FAM184A: variants seen among roughly 807,000 people sequenced by gnomAD.
FAM184A encodes family with sequence similarity 184 member A.
In FAM184A, 99 loss-of-function variants were observed where a neutral mutation model predicts 143.8. The ratio of observed to expected loss-of-function variants is 0.69; its 90% CI spans 0.58 to 0.81. The LOEUF (loss-of-function observed/expected upper bound fraction) is 0.81. Ranked by LOEUF, FAM184A falls within the 40% of genes least tolerant of loss-of-function variation. FAM184A has a pLI of 0.00. For synonymous variants in FAM184A, 427 were observed against 446.4 expected, an observed-to-expected ratio of 0.96 and a Z score of 0.55; for missense variants, 1,217 against 1,310.5, an observed-to-expected ratio of 0.93 and a Z score of 1.10.
intron 1 of FAM184A, among the ~76,000 whole-genome samples, chr6:119,122,454 T>C (rs1789242180): frequency 6.6e-6 from 1 of 152,140 alleles, no homozygotes. Flanking sequence ...GCATAGTCTG[T>C]GGCCAGAAGC....
chr6:119,089,357 C>A (rs1232627001), intron 1 of FAM184A, among the ~76,000 whole-genome samples: 1 of 152,076 alleles, frequency 6.6e-6, no homozygotes, highest in Non-Finnish European at 1.5e-5. Flanking sequence ...GCATCTGCCA[C>A]CACACCTGGC....
chr6:118,986,822 A>G (rs1298339910), intron 9 of FAM184A, among the ~76,000 whole-genome samples: 2 of 152,176 alleles, frequency 1.3e-5, no homozygotes, highest in African/African-American at 4.8e-5. Context: ...ATATGTCAAA[A>G]TGTCTATATT....
chr6:118,995,882 G>A (rs1278854264), intron 9 of FAM184A, among the ~76,000 whole-genome samples: 3 of 152,102 alleles, frequency 2.0e-5, no homozygotes, highest in African/African-American at 7.2e-5. Flanking sequence ...AGTGTGTCCT[G>A]GGCTGCAGCA....
intron 1 of FAM184A, among the ~76,000 whole-genome samples, chr6:119,041,479 CTGAG>C (rs1786329850): frequency 6.6e-6 from 1 of 152,198 alleles, no homozygotes; most frequent in Non-Finnish European, 1.5e-5. Context: ...CATCTATCGC[CTGAG>C]AGCACAGCGG....
At chr6:119,056,824 G>T (rs187879101) in intron 1 of FAM184A, among the ~76,000 whole-genome samples, 2 of 152,292 alleles carry the variant, frequency 1.3e-5, no homozygotes, top group East Asian at 3.9e-4. Flanking sequence ...AGCCTGGTCT[G>T]GTGGGCACTC....
intron 1 of FAM184A, among the ~76,000 whole-genome samples, chr6:119,146,904 A>T (rs981053228): frequency 3.1e-5 from 4 of 129,990 alleles, no homozygotes; most frequent in Non-Finnish European, 4.9e-5. Flanking sequence ...CCTCCCAGAG[A>T]TGTGCACCCC....
chr6:118,980,049 A>C, intron 10 of FAM184A, 89 bp downstream of exon 10: 1 of 1,142,976 alleles, frequency 8.7e-7, no homozygotes, highest in Non-Finnish European at 1.2e-6. Context: ...CCCTGTCTCA[A>C]AAAATAGAAA....
intron 1 of FAM184A, among the ~76,000 whole-genome samples, chr6:119,042,144 T>G (rs1786360475): frequency 6.6e-6 from 1 of 152,082 alleles, no homozygotes; most frequent in Non-Finnish European, 1.5e-5. Flanking sequence ...GGGAATATGG[T>G]AAGACTGGTT....
chr6:119,045,539 C>G (rs1038123416), intron 1 of FAM184A, among the ~76,000 whole-genome samples: 18 of 152,124 alleles, frequency 1.2e-4, no homozygotes, highest in African/African-American at 3.9e-4. Context: ...AGTGACTTAA[C>G]AGCAGATTTT....
intron 1 of FAM184A, 32 bp from the exon 2 acceptor site, chr6:119,024,845 T>C (rs1775613): frequency 0.55 from 839,445 of 1,518,974 alleles, 239,866 homozygotes; most frequent in Non-Finnish European, 0.59. Flanking sequence ...GGGAGAAGGA[T>C]TGTGAATCCA....
intron 1 of FAM184A, among the ~76,000 whole-genome samples, chr6:119,062,267 T>C (rs1403424515): frequency 6.6e-6 from 1 of 152,244 alleles, no homozygotes; most frequent in Non-Finnish European, 1.5e-5. Flanking sequence ...GTATGTATAG[T>C]GCTTAACACA....
chr6:118,966,102 C>A (rs1276886312), intron 15 of FAM184A, among the ~76,000 whole-genome samples: 1 of 152,144 alleles, frequency 6.6e-6, no homozygotes, highest in Non-Finnish European at 1.5e-5. Flanking sequence ...CAGGCTGCCT[C>A]TCCTAAATGC....
chr6:119,058,411 C>T (rs1366497234), intron 1 of FAM184A, among the ~76,000 whole-genome samples: 2 of 151,856 alleles, frequency 1.3e-5, no homozygotes, highest in Non-Finnish European at 2.9e-5. Context: ...CCATGTGGGC[C>T]AGGCTGGTCT....
intron 1 of FAM184A, among the ~76,000 whole-genome samples, chr6:119,042,276 T>C (rs1363964607): frequency 6.6e-6 from 1 of 152,208 alleles, no homozygotes; most frequent in Non-Finnish European, 1.5e-5. Context: ...TTTTCCTTTT[T>C]CTTCTCCTCT....
chr6:118,975,832 A>G (rs1395833914), intron 12 of FAM184A, 85 bp downstream of exon 12: 1 of 1,290,638 alleles, frequency 7.7e-7, no homozygotes, highest in Non-Finnish European at 1.1e-6. Context: ...AAAATAAGTT[A>G]TTACAAAATA....
chr6:118,968,369 C>T (rs1015677927), intron 14 of FAM184A, among the ~76,000 whole-genome samples: 5 of 152,200 alleles, frequency 3.3e-5, no homozygotes, highest in Admixed American at 6.5e-5. Context: ...GCCTGCAGGC[C>T]GTGGGTTGAA....
At chr6:118,984,716 A>C (rs1405814979) in intron 9 of FAM184A, among the ~76,000 whole-genome samples, 2 of 152,208 alleles carry the variant, frequency 1.3e-5, no homozygotes, top group Non-Finnish European at 2.9e-5. Context: ...AGAATACAGA[A>C]AGTATACAAA....
intron 3 of FAM184A, among the ~76,000 whole-genome samples, chr6:119,022,053 C>CTTTTTTTTTTTTTTTTTTT (rs34128659): frequency 7.1e-5 from 6 of 84,392 alleles, no homozygotes; most frequent in African/African-American, 9.1e-5. Context: ...TTCGTTCTTT[C>CTTTTTTTTTTTTTTTTTTT]TTTTTTTTTT....
chr6:119,003,438 T>A (rs565173170), intron 8 of FAM184A, 63 bp downstream of exon 8: 30 of 1,496,510 alleles, frequency 2.0e-5, no homozygotes, highest in African/African-American at 2.8e-5. Context: ...ATAATGTGAG[T>A]CATACAAGAG....
Sources: gnomAD v4.1 joint callset for allele counts (sites outside exome capture counted in the v4.1 genomes callset) on GRCh38, gnomAD v4.1.1 for gene constraint, MANE v1.5 for transcripts, NCBI Gene and HGNC (gene_info 2026-07-23, HGNC 2026-07-21) for gene names.